Variants in DPP8 observed in about 807,000 individuals in gnomAD.
DPP8 encodes DPP VIII.
Under a neutral mutation model 107.5 loss-of-function variants are expected in DPP8, and 31 were observed. That is an observed-to-expected ratio of 0.29 (90% CI 0.22 to 0.39). DPP8 has a LOEUF of 0.39. Ranked by LOEUF, DPP8 falls within the 10% of genes least tolerant of loss-of-function variation. DPP8 has a pLI of 1.00. For synonymous variants in DPP8, 381 were observed against 356.6 expected, an observed-to-expected ratio of 1.07 and a Z score of -0.77; for missense variants, 842 against 1,076.1, an observed-to-expected ratio of 0.78 and a Z score of 3.04.
chr15:65,456,105 T>TTC, intron 16 of DPP8, 120 bp downstream of exon 16: 4 of 1,051,330 alleles, frequency 3.8e-6, no homozygotes, highest in Non-Finnish European at 5.2e-6. Flanking sequence ...CTCTAACACA[T>TTC]ACACTCTCAC....
intron 12 of DPP8, among the ~76,000 whole-genome samples, chr15:65,469,790 C>T (rs922070663): frequency 5.9e-5 from 9 of 151,494 alleles, no homozygotes; most frequent in Non-Finnish European, 5.9e-5. Context: ...GGGCCGAGAT[C>T]GTACCACTGC....
chr15:65,467,304 T>G (rs2065447643), intron 12 of DPP8, 81 bp from the exon 13 acceptor site: 2 of 1,410,068 alleles, frequency 1.4e-6, no homozygotes. Flanking sequence ...TACAATCACT[T>G]GAGCCACTCC....
chr15:65,452,130 T>C (rs1567134087), intron 17 of DPP8, 28 bp from the exon 18 acceptor site: 1 of 1,589,614 alleles, frequency 6.3e-7, no homozygotes, highest in Non-Finnish European at 8.5e-7. Flanking sequence ...GACAGTCAAG[T>C]GTGGTCTGGA....
Position 65,444,593 on chromosome 15 carries a change from A to AT in DPP8, c.*2290dup, listed in dbSNP as rs2063422826. The stretch of plus-strand genomic sequence containing the variant: ...TTTCTGTAAGAGAATTCATTCAGGT[A>AT]TTTTTTCCTGCTAAAGAAGCAGAAT... On this transcript the variant is annotated 3_prime_UTR_variant, in exon 20 of 20. Coordinates refer to ENST00000300141, the MANE Select transcript of DPP8 (RefSeq NM_130434.5). The AT allele has an allele frequency of 2.0e-5, 3 of 152,236 alleles. No homozygotes were observed. The highest frequency in any genetic ancestry group is 6.5e-5 in the Admixed American group (1 of 15,274). The allele number at this position is 152,236 out of a possible 1,614,324, so 9.4% of individuals were successfully genotyped here. A position where few individuals can be genotyped will look rare whatever the true frequency, so the allele number is the denominator to read the frequency against.
chr15:65,510,192 T>TG lies in DPP8; in HGVS notation c.259+2102dup, dbSNP rs1165214625. ...TTAGCTGGGCATGGTGGCACACGCC[T>TG]GTAGGCCCAGCCACTTGGGGGATTG... On this transcript the variant is annotated intron_variant, in intron 2 of 19. Transcript: ENST00000300141. 2.0e-5 allele frequency among the ~76,000 whole-genome samples: 3 copies of TG among 151,754 alleles called. No homozygotes were observed. In the East Asian group the frequency reaches 5.8e-4, roughly 29 times the overall value.
chr15:65,483,209 T>C (rs2067091380), intron 8 of DPP8, among the ~76,000 whole-genome samples: 1 of 151,698 alleles, frequency 6.6e-6, no homozygotes, highest in Non-Finnish European at 1.5e-5. Context: ...GGAAATCTAA[T>C]CCACTGCTGG....
Position 65,466,737 on chromosome 15 carries a change from G to A in DPP8, c.1766C>T (p.Pro589Leu). The A allele has an allele frequency of 3.1e-6, 5 of 1,614,040 alleles. No individual in the cohort carries two copies. Among genetic ancestry groups the A allele is most frequent in the Non-Finnish European group, 4.2e-6 (5 of 1,179,936 alleles). Residue 589 changes from proline to leucine, a missense_variant, in exon 14 of 20, where the codon CCT becomes CTT. Transcript: ENST00000300141. ...TGTTTTGCAAGTTGGGTCATCTTCA[G>A]GACTTGATAGCTTGTAAAGGGACAC... ...HCVSLYKLSS[P>L]EDDPTCKTKE...
chr15:65,492,429 A>C (rs912522950), intron 5 of DPP8, among the ~76,000 whole-genome samples: 1 of 152,114 alleles, frequency 6.6e-6, no homozygotes, highest in Non-Finnish European at 1.5e-5. Flanking sequence ...TAGTGTGGTA[A>C]GTGTGTGTTT....
intron 16 of DPP8, 111 bp downstream of exon 16, chr15:65,456,114 A>T (rs77643946): frequency 9.3e-7 from 1 of 1,078,758 alleles, no homozygotes; most frequent in Non-Finnish European, 1.3e-6. Flanking sequence ...ATACACTCTC[A>T]CTCACTCATT....
Position 65,446,747 on chromosome 15 carries a change from A to C in DPP8, c.*137T>G. ...CACAAACCGTAGACCCCTGCATGGC[A>C]CCACATTTATTTTCAGGAGTAGATG... On this transcript the variant is annotated 3_prime_UTR_variant, in exon 20 of 20. Transcript: ENST00000300141. 1 of 837,738 alleles carries C rather than the reference A, an allele frequency of 1.2e-6. No homozygotes were observed. Among genetic ancestry groups the C allele is most frequent in the South Asian group, 2.1e-5 (1 of 47,380 alleles). 51.9% of individuals were successfully genotyped at this position (837,738 alleles called of 1,614,324 possible).
intron 15 of DPP8, among the ~76,000 whole-genome samples, chr15:65,458,030 T>C (rs531367567): frequency 2.6e-5 from 4 of 152,318 alleles, no homozygotes; most frequent in African/African-American, 7.2e-5. Flanking sequence ...AATATGAACA[T>C]TTAAAGAAAA....
intron 5 of DPP8, among the ~76,000 whole-genome samples, chr15:65,494,110 A>AATAAAT (rs1186368879): frequency 6.7e-6 from 1 of 149,676 alleles, no homozygotes; most frequent in Non-Finnish European, 1.5e-5. Flanking sequence ...CCACACAGTT[A>AATAAAT]ATAAATGGTA....
intron 1 of DPP8, chr15:65,512,925 C>T: frequency 4.9e-6 from 1 of 204,392 alleles, no homozygotes; most frequent in Non-Finnish European, 9.7e-6. Flanking sequence ...AAGAGCACGT[C>T]AATAGTGAAG....
intron 12 of DPP8, among the ~76,000 whole-genome samples, chr15:65,467,497 C>T (rs2065467234): frequency 6.6e-6 from 1 of 152,140 alleles, no homozygotes; most frequent in African/African-American, 2.4e-5. Flanking sequence ...TACTCTCACC[C>T]CAGCCTCCTG....
chr15:65,500,900 CAG>C lies in DPP8; in HGVS notation c.373-123_373-122del, dbSNP rs1170880899. On this transcript the variant is annotated intron_variant, in intron 3 of 19. Transcript: ENST00000300141. ...TTTTTTTTTTTTTTTTTTTTTGAGA[CAG>C]AGTTTCACTCTGTCACCCAGGCTGG... 11 of 672,418 alleles carry C rather than the reference CAG, an allele frequency of 1.6e-5. No individual in the cohort carries two copies. In the East Asian group the frequency reaches 2.6e-4, roughly 16 times the overall value. 41.7% of individuals were successfully genotyped at this position (672,418 alleles called of 1,614,324 possible).
chr15:65,469,471 G>A (rs1035158312), intron 12 of DPP8, among the ~76,000 whole-genome samples: 3 of 151,066 alleles, frequency 2.0e-5, no homozygotes, highest in Non-Finnish European at 3.0e-5. Flanking sequence ...CTGGTCTCAC[G>A]GTGAAACCCC....
chr15:65,508,581 G>C (rs551912836), intron 2 of DPP8, among the ~76,000 whole-genome samples: 1 of 152,226 alleles, frequency 6.6e-6, no homozygotes, highest in South Asian at 2.1e-4. Context: ...GGCCGGCCGA[G>C]GTGGCTCACA....
At chr15:65,457,190 A>G (rs1427453010) in intron 15 of DPP8, among the ~76,000 whole-genome samples, 1 of 152,106 alleles carries the variant, frequency 6.6e-6, no homozygotes, top group Non-Finnish European at 1.5e-5. Flanking sequence ...CCCCGTCTCT[A>G]CCAAAAACAA....
chr15:65,450,800 G>A, intron 19 of DPP8, 199 bp downstream of exon 19: 1 of 475,150 alleles, frequency 2.1e-6, no homozygotes, highest in Non-Finnish European at 3.7e-6. Context: ...AATCTGATAG[G>A]CAGGTATGTC....
Sources: gnomAD v4.1 joint callset for allele counts (sites outside exome capture counted in the v4.1 genomes callset) on GRCh38, gnomAD v4.1.1 for gene constraint, MANE v1.5 for transcripts, NCBI Gene and HGNC (gene_info 2026-07-23, HGNC 2026-07-21) for gene names.